ROBO2: variants seen among roughly 807,000 people sequenced by gnomAD.
ROBO2 encodes the protein roundabout homolog 2.
Under a neutral mutation model 160.8 loss-of-function variants are expected in ROBO2, and 53 were observed. That is an observed-to-expected ratio of 0.33 (90% CI 0.26 to 0.41). ROBO2 has a LOEUF of 0.41. ROBO2 is among the 10% of genes least tolerant of loss of function. The pLI is 1.00. For missense variants in ROBO2, 1,577 were observed against 1,722.4 expected, an observed-to-expected ratio of 0.92 and a Z score of 1.49; for synonymous variants, 664 against 611.7, an observed-to-expected ratio of 1.09 and a Z score of -1.26.
intron 2 of ROBO2, among the ~76,000 whole-genome samples, chr3:76,141,689 A>T (rs1299538350): frequency 6.6e-6 from 1 of 152,002 alleles, no homozygotes; most frequent in Non-Finnish European, 1.5e-5. Flanking sequence ...GTCCCAGTCT[A>T]GAGATCCATG....
At chr3:76,063,895 T>A (rs1272963566) in intron 2 of ROBO2, among the ~76,000 whole-genome samples, 1 of 152,190 alleles carries the variant, frequency 6.6e-6, no homozygotes, top group Non-Finnish European at 1.5e-5. Context: ...TCTTGTTACA[T>A]AAGCCTCCTT....
At chr3:77,289,954 TCAC>T (rs2060978211) in intron 2 of ROBO2, among the ~76,000 whole-genome samples, 1 of 151,520 alleles carries the variant, frequency 6.6e-6, no homozygotes, top group African/African-American at 2.4e-5. Context: ...TGAGGCTAGA[TCAC>T]CCCAGACATT....
chr3:77,615,270 A>G (rs1209353334), intron 21 of ROBO2, among the ~76,000 whole-genome samples: 1 of 152,144 alleles, frequency 6.6e-6, no homozygotes, highest in African/African-American at 2.4e-5. Context: ...CCACATATTG[A>G]TAGCCTCCCC....
Position 75,912,623 on chromosome 3 carries a change from A to C in ROBO2, c.-14+5663A>C, listed in dbSNP as rs184149860. 9.6e-4 allele frequency among the ~76,000 whole-genome samples: 146 copies of C among 152,306 alleles called. 2 individuals are homozygous for C. The highest frequency in any genetic ancestry group is 3.3e-3 in the African/African-American group (137 of 41,570). On this transcript the variant is annotated intron_variant, in intron 1 of 26. Transcript: ENST00000487694. The stretch of plus-strand genomic sequence containing the variant: ...TCTGCTTAACATGGAAGATTTTTCC[A>C]TGAAAATATTAGCTCCATCAGATAC...
chr3:76,194,362 A>G (rs201782445), intron 2 of ROBO2, among the ~76,000 whole-genome samples: 6,519 of 117,836 alleles, frequency 0.055, 463 homozygotes, highest in East Asian at 0.23. Context: ...AAATATATAT[A>G]TATATATATA....
At chr3:76,840,174 A>G (rs1158401793) in intron 2 of ROBO2, among the ~76,000 whole-genome samples, 2 of 151,648 alleles carry the variant, frequency 1.3e-5, no homozygotes, top group South Asian at 2.1e-4. Flanking sequence ...TTTTAATTTC[A>G]ATTTAATGTA....
chr3:77,178,697 T>C (rs2080398789), intron 2 of ROBO2, among the ~76,000 whole-genome samples: 1 of 152,070 alleles, frequency 6.6e-6, no homozygotes, highest in African/African-American at 2.4e-5. Context: ...ATGTACATAT[T>C]TTAAAAAATA....
chr3:76,497,844 C>CCCAGCATTCCCAGCATTT (rs918298350), intron 2 of ROBO2, among the ~76,000 whole-genome samples: 6 of 151,448 alleles, frequency 4.0e-5, no homozygotes, highest in Non-Finnish European at 7.4e-5. Context: ...TCCCAGCATT[C>CCCAGCATTCCCAGCATTT]CCAGCATTCC....
intron 2 of ROBO2, among the ~76,000 whole-genome samples, chr3:77,307,875 T>A (rs575488656): frequency 6.6e-6 from 1 of 152,042 alleles, no homozygotes; most frequent in South Asian, 2.1e-4. Flanking sequence ...GGAGAATCGC[T>A]GGAACCCATA....
intron 2 of ROBO2, among the ~76,000 whole-genome samples, chr3:77,459,939 G>A (rs2082069002): frequency 7.6e-6 from 1 of 132,202 alleles, no homozygotes; most frequent in South Asian, 2.3e-4. Context: ...GATGGGGGTG[G>A]TGGAGTGGGT....
chr3:77,208,961 T>C (rs1278943088), intron 2 of ROBO2, among the ~76,000 whole-genome samples: 2 of 152,196 alleles, frequency 1.3e-5, no homozygotes, highest in Non-Finnish European at 2.9e-5. Context: ...TCATATATTT[T>C]TGAGAGATCA....
chr3:77,218,931 T>C (rs960083914), intron 2 of ROBO2, among the ~76,000 whole-genome samples: 1 of 152,140 alleles, frequency 6.6e-6, no homozygotes, highest in Non-Finnish European at 1.5e-5. Flanking sequence ...ATTTTCATTT[T>C]TCTAATATCT....
At chr3:77,250,717 C>A (rs1335609248) in intron 2 of ROBO2, among the ~76,000 whole-genome samples, 3 of 152,140 alleles carry the variant, frequency 2.0e-5, no homozygotes, top group Non-Finnish European at 4.4e-5. Context: ...CTGGTGTTGG[C>A]CTTCTTGCTG....
At chr3:76,837,210 A>G (rs934775358) in intron 2 of ROBO2, among the ~76,000 whole-genome samples, 12 of 151,924 alleles carry the variant, frequency 7.9e-5, no homozygotes, top group Admixed American at 3.3e-4. Flanking sequence ...AAGGTGGACC[A>G]TATTTTACAC....
At chr3:76,673,616 G>A (rs910237219) in intron 2 of ROBO2, among the ~76,000 whole-genome samples, 2 of 152,182 alleles carry the variant, frequency 1.3e-5, no homozygotes, top group East Asian at 1.9e-4. Flanking sequence ...ACAATTATGC[G>A]TCAACTATCA....
chr3:76,056,958 A>G (rs976362241), intron 2 of ROBO2, among the ~76,000 whole-genome samples: 1 of 152,130 alleles, frequency 6.6e-6, no homozygotes, highest in Admixed American at 6.5e-5. Flanking sequence ...AAAAATGATT[A>G]TGTTGTGTAT....
At chr3:76,246,838 G>C (rs1009999361) in intron 2 of ROBO2, among the ~76,000 whole-genome samples, 3 of 151,904 alleles carry the variant, frequency 2.0e-5, no homozygotes, top group Non-Finnish European at 4.4e-5. Flanking sequence ...TATTAGAATT[G>C]ACTTGGTTTA....
At chr3:77,232,607 G>A (rs1201267777) in intron 2 of ROBO2, among the ~76,000 whole-genome samples, 2 of 152,248 alleles carry the variant, frequency 1.3e-5, no homozygotes, top group South Asian at 2.1e-4. Flanking sequence ...ATGCTACATG[G>A]AATTACCCAG....
At chr3:77,336,336 C>G (rs181748877) in intron 2 of ROBO2, among the ~76,000 whole-genome samples, 1 of 152,256 alleles carries the variant, frequency 6.6e-6, no homozygotes, top group African/African-American at 2.4e-5. Flanking sequence ...TAACATTTAT[C>G]CAACAAGCAA....
Sources: allele counts gnomAD v4.1 joint callset (sites outside exome capture counted in the v4.1 genomes callset), GRCh38; gene constraint gnomAD v4.1.1; transcripts MANE v1.5; gene names NCBI Gene and HGNC (gene_info 2026-07-23, HGNC 2026-07-21).